The following SLC25A24 variants were observed in gnomAD, a reference collection of about 807,000 sequenced individuals.
The protein encoded by SLC25A24 is mitochondrial adenyl nucleotide antiporter SLC25A24.
A neutral mutation model predicts 60.7 loss-of-function variants in SLC25A24; 49 were observed. The observed-to-expected ratio is 0.81, with a 90% CI of 0.64 to 1.02. SLC25A24 has a LOEUF of 1.02. Among genes scored for constraint, SLC25A24 ranks in the 50% least tolerant of loss-of-function variants. The pLI, the probability that SLC25A24 is intolerant of heterozygous loss-of-function variation, is 0.00. For missense variants in SLC25A24, 564 were observed against 586.3 expected, an observed-to-expected ratio of 0.96 and a Z score of 0.39; for synonymous variants, 202 against 200.6, an observed-to-expected ratio of 1.01 and a Z score of -0.06.
chr1:108,158,703 GAA>G (rs34586204), intron 4 of SLC25A24, among the ~76,000 whole-genome samples: 70,376 of 138,364 alleles, frequency 0.51, 17,780 homozygotes, highest in African/African-American at 0.63. Flanking sequence ...AGCCCATAAA[GAA>G]AAAAAAAAAA....
At position 108,144,350 on chromosome 1, in the gene SLC25A24, T is replaced by A. The variant is rs138024060; in HGVS notation, c.931-640A>T. On this transcript the variant is annotated intron_variant, in intron 7 of 9. Coordinates refer to ENST00000565488, the MANE Select transcript of SLC25A24 (RefSeq NM_013386.5). ...GTTGGAAAACTTTTCCTGTAAAGAC[T>A]AAATAGTAAAATATCTGTCGTTGCA... Among the ~76,000 whole-genome samples, 123 of 152,288 alleles carry A rather than the reference T, an allele frequency of 8.1e-4. 1 individual carries two copies. The highest frequency in any genetic ancestry group is 2.8e-3 in the African/African-American group (116 of 41,566).
chr1:108,147,740 A>C (rs1279818451), intron 7 of SLC25A24, among the ~76,000 whole-genome samples: 2 of 151,792 alleles, frequency 1.3e-5, no homozygotes, highest in Non-Finnish European at 2.9e-5. Context: ...CCAGCCTCTA[A>C]AGTGGCAGCC....
intron 1 of SLC25A24, chr1:108,192,345 C>G: frequency 3.6e-6 from 2 of 557,292 alleles, no homozygotes; most frequent in Non-Finnish European, 6.2e-6. Context: ...TGTTGTTATT[C>G]TTAATAAACG....
chr1:108,157,097 C>T (rs139538077), intron 5 of SLC25A24, among the ~76,000 whole-genome samples: 163 of 152,274 alleles, frequency 1.1e-3, no homozygotes, highest in African/African-American at 3.3e-3. Flanking sequence ...AATTACATTG[C>T]TGCTCTAAGA....
chr1:108,195,368 T>C (rs749400646), intron 1 of SLC25A24, among the ~76,000 whole-genome samples: 1 of 152,116 alleles, frequency 6.6e-6, no homozygotes, highest in Admixed American at 6.6e-5. Context: ...ATATGGCATG[T>C]TGGGAGTTTG....
chr1:108,178,797 A>G (rs919608582), intron 3 of SLC25A24, among the ~76,000 whole-genome samples: 5 of 151,924 alleles, frequency 3.3e-5, no homozygotes, highest in African/African-American at 4.8e-5. Flanking sequence ...TCGAGGACAG[A>G]GTGAGACTCC....
chr1:108,197,623 A>G (rs1648531661), intron 1 of SLC25A24, among the ~76,000 whole-genome samples: 1 of 152,208 alleles, frequency 6.6e-6, no homozygotes, highest in South Asian at 2.1e-4. Context: ...GGACTAAGGG[A>G]TGCCCAGATA....
intron 3 of SLC25A24, among the ~76,000 whole-genome samples, chr1:108,173,092 T>C (rs985286833): frequency 1.3e-5 from 2 of 152,012 alleles, no homozygotes; most frequent in Non-Finnish European, 2.9e-5. Context: ...ACAGTTCAGA[T>C]ATGGTGGCTC....
At chr1:108,160,919 C>G (rs1455104304) in intron 4 of SLC25A24, among the ~76,000 whole-genome samples, 1 of 151,994 alleles carries the variant, frequency 6.6e-6, no homozygotes, top group African/African-American at 2.4e-5. Context: ...AGCTTTGGCT[C>G]GGCATCAGAG....
In SLC25A24 at chr1:108,199,707, A is replaced by G. The variant is rs1648600102; in HGVS notation, c.183+249T>C. On this transcript the variant is annotated intron_variant, in intron 1 of 9. Coordinates refer to ENST00000565488, the MANE Select transcript of SLC25A24 (RefSeq NM_013386.5). ...AAAAATTTAACAGTGCCCGTGGGCCAGAGTGTCCACAACACTCATTTTATC... is the reference window on the plus strand; with the variant it reads ...AAAAATTTAACAGTGCCCGTGGGCCGGAGTGTCCACAACACTCATTTTATC... 3 of 555,626 alleles carry G rather than the reference A, an allele frequency of 5.4e-6. No homozygotes were observed. The African/African-American group carries it at 5.8e-5, about 11-fold the overall frequency. The allele number at this position is 555,626 out of a possible 1,614,324, so 34.4% of individuals were successfully genotyped here. A position where few individuals can be genotyped will look rare whatever the true frequency, so the allele number is the denominator to read the frequency against.
At chr1:108,174,232 C>T (rs1218371841) in intron 3 of SLC25A24, among the ~76,000 whole-genome samples, 1 of 152,122 alleles carries the variant, frequency 6.6e-6, no homozygotes, top group East Asian at 1.9e-4. Flanking sequence ...TGGGCCAGGC[C>T]CAGGGCCTTG....
chr1:108,180,504 C>T (rs112629238), intron 3 of SLC25A24, among the ~76,000 whole-genome samples: 4 of 152,190 alleles, frequency 2.6e-5, no homozygotes, highest in African/African-American at 9.6e-5. Flanking sequence ...CCTAACCCAC[C>T]GTGTGATTAT....
Position 108,136,413 on chromosome 1 carries a change from T to C in SLC25A24, c.*240A>G, listed in dbSNP as rs1679283722. ...TTCAGGGCAGAGATTTGCAGGATTA[T>C]TAAGAAAAGATAAAGTATAATTGTG... is the stretch of plus-strand genomic sequence containing the variant. On this transcript the variant is annotated 3_prime_UTR_variant, in exon 10 of 10. Coordinates refer to ENST00000565488, the MANE Select transcript of SLC25A24 (RefSeq NM_013386.5). 2 of 369,276 alleles carry C rather than the reference T, an allele frequency of 5.4e-6. No individual in the cohort carries two copies. Among genetic ancestry groups the C allele is most frequent in the Non-Finnish European group, 9.6e-6 (2 of 207,440 alleles). The allele number at this position is 369,276 out of a possible 1,614,324, so 22.9% of individuals were successfully genotyped here.
intron 1 of SLC25A24, chr1:108,199,729 T>C: frequency 1.7e-6 from 1 of 585,536 alleles, no homozygotes; most frequent in Non-Finnish European, 3.0e-6. Context: ...ACACTCATTT[T>C]ATCTGGACAA....
intron 3 of SLC25A24, among the ~76,000 whole-genome samples, chr1:108,161,929 C>T (rs1335265387): frequency 6.7e-6 from 1 of 150,030 alleles, no homozygotes; most frequent in African/African-American, 2.5e-5. Context: ...GTATATCTCC[C>T]AATGCCATCC....
intron 3 of SLC25A24, among the ~76,000 whole-genome samples, chr1:108,169,670 T>C (rs1647375697): frequency 6.6e-6 from 1 of 152,226 alleles, no homozygotes; most frequent in Admixed American, 6.5e-5. Flanking sequence ...TGTTCTTTAA[T>C]CATTTGCAAG....
In SLC25A24 at chr1:108,167,808, G is replaced by A. The variant is rs576899378; in HGVS notation, c.399-6515C>T. Among the ~76,000 whole-genome samples the A allele has an allele frequency of 6.6e-5, 10 of 152,270 alleles. No individual in the cohort carries two copies. In the South Asian group the frequency reaches 8.3e-4, roughly 13 times the overall value. ...GAGCTGTTCCTATTCAGCCATCTTCGCCTTTGAGTCTTAAGAAATCCTGGC... is the reference window on the plus strand; with the variant it reads ...GAGCTGTTCCTATTCAGCCATCTTCACCTTTGAGTCTTAAGAAATCCTGGC... On this transcript the variant is annotated intron_variant, in intron 3 of 9. Transcript: ENST00000565488.
At chr1:108,155,981 A>T (rs910572911) in intron 5 of SLC25A24, among the ~76,000 whole-genome samples, 2 of 126,672 alleles carry the variant, frequency 1.6e-5, no homozygotes, top group Admixed American at 7.6e-5. Flanking sequence ...ACACACACAC[A>T]CACTCACAGA....
chr1:108,136,533 T>A lies in SLC25A24; in HGVS notation c.*120A>T. 1.3e-6 allele frequency: 1 copy of A among 769,250 alleles called. No homozygotes were observed. Among genetic ancestry groups the A allele is most frequent in the Non-Finnish European group, 2.1e-6 (1 of 473,628 alleles). 47.7% of individuals were successfully genotyped at this position (769,250 alleles called of 1,614,324 possible). A position where few individuals can be genotyped will look rare whatever the true frequency, so the allele number is the denominator to read the frequency against. ...TTTGAAGTGACCATTGTTACCATCT[T>A]CCCTTTTGTGAAAAAAATGCAGCTT... is the stretch of plus-strand genomic sequence containing the variant. On this transcript the variant is annotated 3_prime_UTR_variant, in exon 10 of 10. Coordinates refer to ENST00000565488, the MANE Select transcript of SLC25A24 (RefSeq NM_013386.5).
Sources: gnomAD v4.1 joint callset for allele counts (sites outside exome capture counted in the v4.1 genomes callset) on GRCh38, gnomAD v4.1.1 for gene constraint, MANE v1.5 for transcripts, NCBI Gene and HGNC (gene_info 2026-07-23, HGNC 2026-07-21) for gene names.